Variants in DYNC2H1 observed in about 807,000 individuals in gnomAD.
DYNC2H1 encodes dynein cytoplasmic 2 heavy chain 1.
A neutral mutation model predicts 570.0 loss-of-function variants in DYNC2H1; 410 were observed. That is an observed-to-expected ratio of 0.72 (90% CI 0.66 to 0.78). The LOEUF (loss-of-function observed/expected upper bound fraction) is 0.78. Among genes scored for constraint, DYNC2H1 ranks in the 30% least tolerant of loss-of-function variants. The probability of loss-of-function intolerance (pLI) is 0.00; values close to 1 mark genes in which losing one functional copy is unlikely to be tolerated. For missense variants in DYNC2H1, 4,865 were observed against 5,046.4 expected (o/e 0.96, Z 1.09); for synonymous variants, 1,688 against 1,677.6 (o/e 1.01, Z -0.15).
intron 60 of DYNC2H1, among the ~76,000 whole-genome samples, chr11:103,232,701 A>G (rs1001064117): frequency 6.6e-6 from 1 of 152,070 alleles, no homozygotes; most frequent in Non-Finnish European, 1.5e-5. Flanking sequence ...AAAATTAAAG[A>G]GATGGTTTCC....
chr11:103,280,263 T>G lies in DYNC2H1; in HGVS notation c.10696-85T>G. 1.5e-6 allele frequency: 2 copies of G among 1,361,864 alleles called. No homozygotes were observed. The highest frequency in any genetic ancestry group is 2.0e-6 in the Non-Finnish European group (2 of 981,170). The allele number at this position is 1,361,864 out of a possible 1,614,324, so 84.4% of individuals were successfully genotyped here. A position where few individuals can be genotyped will look rare whatever the true frequency, so the allele number is the denominator to read the frequency against. On this transcript the variant is annotated intron_variant, in intron 70 of 88. Coordinates refer to ENST00000375735, the MANE Select transcript of DYNC2H1 (RefSeq NM_001377.3). This position sits in a 1 kb window ranked among gnomAD's most constrained non-coding sequence, Gnocchi z 4.7. ...AGGTCATATGAAGACAGAATAGAGA[T>G]TTTTGTGTGCCAAATTTTAACGACT...
intron 70 of DYNC2H1, among the ~76,000 whole-genome samples, chr11:103,272,072 G>A (rs1865730446): frequency 6.6e-6 from 1 of 152,064 alleles, no homozygotes; most frequent in Admixed American, 6.6e-5. Flanking sequence ...CCCATTACTG[G>A]GTATATACCC....
At position 103,236,501 on chromosome 11, in the gene DYNC2H1, G is replaced by A. The variant is rs769445053; in HGVS notation, c.9781G>A (p.Asp3261Asn). Residue 3261 changes from aspartate to asparagine, a missense_variant, in exon 63 of 89, where the codon GAT (aspartate) becomes AAT (asparagine). This residue lies in a region of DYNC2H1 where 2,401 missense variants were observed against 2,454.6 expected (regional missense o/e 0.98). Transcript: ENST00000375735. ...TTGGAAAAGTGAAGGCCTACCATCA[G>A]ATGACCTTTCCATAGAAAATGCTCT... Reference protein sequence around the residue: ...LIWKSEGLPSDDLSIENALVI... With the variant: ...LIWKSEGLPSNDLSIENALVI... 5 of 1,606,794 alleles carry A rather than the reference G, an allele frequency of 3.1e-6. No homozygotes were observed. Among genetic ancestry groups the A allele is most frequent in the Non-Finnish European group, 4.3e-6 (5 of 1,174,832 alleles).
chr11:103,255,567 G>C, intron 67 of DYNC2H1, 33 bp downstream of exon 67: 3 of 1,492,226 alleles, frequency 2.0e-6, no homozygotes, highest in Non-Finnish European at 2.7e-6. Flanking sequence ...TACTTTTTTC[G>C]TATTACTTTT....
chr11:103,424,368 C>T (rs922924301), intron 84 of DYNC2H1, among the ~76,000 whole-genome samples: 7 of 152,216 alleles, frequency 4.6e-5, no homozygotes, highest in Admixed American at 3.3e-4. Context: ...GGATCAGGAA[C>T]AACTTGAATT....
rs1295117031 is a variant in DYNC2H1, at chr11:103,456,310, T to C, written c.12602T>C (p.Val4201Ala). 6.2e-7 allele frequency: 1 copy of C among 1,609,616 alleles called. No homozygotes were observed. The highest frequency in any genetic ancestry group is 2.2e-5 in the East Asian group (1 of 44,780). ...CGTTCTGTGGATAGCCTTAAATTTG[T>C]AGCCTCATGGAAAGGTCGACTGCAA... ...VGRSVDSLKFVASWKGRLQEA... is the reference protein window; with the variant it reads ...VGRSVDSLKFAASWKGRLQEA... The change falls in exon 87 of 89, where the codon GTA (valine) becomes GCA (alanine). Residue 4201 changes from valine to alanine, a missense_variant. Val to Ala is a moderately conservative substitution (Grantham distance 64). Coordinates refer to ENST00000375735, the MANE Select transcript of DYNC2H1 (RefSeq NM_001377.3).
chr11:103,378,353 AT>A (rs1941486822), intron 83 of DYNC2H1, among the ~76,000 whole-genome samples: 1 of 152,154 alleles, frequency 6.6e-6, no homozygotes, highest in South Asian at 2.1e-4. Flanking sequence ...AAGTTCTAAC[AT>A]TGTGGGACTG....
chr11:103,255,375 C>A lies in DYNC2H1; in HGVS notation c.10207-40C>A, dbSNP rs367986595. On this transcript the variant is annotated intron_variant, in intron 66 of 88. Coordinates refer to ENST00000375735, the MANE Select transcript of DYNC2H1 (RefSeq NM_001377.3). ...CAGGAAGTTTTTGTTTTGTTTTAAGCCTTATTGCTAGAATTACCTTGTCTT... is the reference window on the plus strand; with the variant it reads ...CAGGAAGTTTTTGTTTTGTTTTAAGACTTATTGCTAGAATTACCTTGTCTT... 2.7e-5 allele frequency: 42 copies of A among 1,531,644 alleles called. No individual in the cohort carries two copies. In the African/African-American group the frequency reaches 5.0e-4, roughly 18 times the overall value. The allele number at this position is 1,531,644 out of a possible 1,614,324, so 94.9% of individuals were successfully genotyped here.
chr11:103,117,425 T>C (rs1858467690), intron 5 of DYNC2H1, among the ~76,000 whole-genome samples: 1 of 151,718 alleles, frequency 6.6e-6, no homozygotes, highest in Non-Finnish European at 1.5e-5. Context: ...AATTGAAAGA[T>C]GCAAAAATGC....
intron 84 of DYNC2H1, among the ~76,000 whole-genome samples, chr11:103,428,775 GTCC>G (rs979275915): frequency 5.3e-5 from 8 of 151,894 alleles, no homozygotes; most frequent in Non-Finnish European, 7.4e-5. Context: ...TGTGTATAAC[GTCC>G]TCAAGGAACA....
intron 39 of DYNC2H1, among the ~76,000 whole-genome samples, chr11:103,180,564 A>G (rs932739498): frequency 2.6e-5 from 4 of 151,652 alleles, no homozygotes; most frequent in East Asian, 1.9e-4. Flanking sequence ...TTTTGTTGCT[A>G]TGTGTTCAGC....
At chr11:103,221,907 A>G in intron 57 of DYNC2H1, 123 bp from the exon 58 acceptor site, 1 of 961,210 alleles carries the variant, frequency 1.0e-6, no homozygotes, top group Non-Finnish European at 1.5e-6. Flanking sequence ...AAAGGTTTTA[A>G]TACCATATTT....
intron 73 of DYNC2H1, among the ~76,000 whole-genome samples, chr11:103,283,451 G>A (rs1014923534): frequency 6.6e-6 from 1 of 152,038 alleles, no homozygotes; most frequent in Non-Finnish European, 1.5e-5. Flanking sequence ...TTTTTGTGGG[G>A]AATGAAAGAC....
intron 85 of DYNC2H1, 116 bp from the exon 86 acceptor site, chr11:103,455,070 A>C: frequency 1.5e-6 from 1 of 646,222 alleles, no homozygotes; most frequent in Non-Finnish European, 2.6e-6. Context: ...TATATTTTCT[A>C]GCTACCATTT....
At chr11:103,253,168 G>T (rs556398023) in intron 65 of DYNC2H1, 117 bp from the exon 66 acceptor site, 2 of 1,082,734 alleles carry the variant, frequency 1.8e-6, no homozygotes, top group Non-Finnish European at 2.6e-6. Flanking sequence ...AACTTTTGCC[G>T]TCTTAGACTC....
chr11:103,300,935 A>G (rs1867021574), intron 75 of DYNC2H1, among the ~76,000 whole-genome samples: 2 of 152,006 alleles, frequency 1.3e-5, no homozygotes, highest in South Asian at 2.1e-4. Context: ...TTTTATATAT[A>G]TTTTGACATT....
chr11:103,304,645 ATG>A lies in DYNC2H1; in HGVS notation c.11310_11311del (p.Ala3771ProfsTer31). The stretch of plus-strand genomic sequence containing the variant: ...ATTTAGCAATTCAAATGCTAAAAGA[ATG>A]TGCCCGCAATGGAGACTGGCTCTGT... The part of the protein sequence containing the change: ...ADLAIQMLKE[C>X]ARNGDWLCLK... On this transcript the variant is annotated frameshift_variant, in exon 77 of 89. Coordinates refer to ENST00000375735, the MANE Select transcript of DYNC2H1 (RefSeq NM_001377.3). LOFTEE classifies it high-confidence loss of function. 1 of 1,613,466 alleles carries A rather than the reference ATG, an allele frequency of 6.2e-7. No homozygotes were observed. Among genetic ancestry groups the A allele is most frequent in the Non-Finnish European group, 8.5e-7 (1 of 1,179,568 alleles).
intron 31 of DYNC2H1, among the ~76,000 whole-genome samples, chr11:103,166,834 A>G (rs1381623319): frequency 6.6e-6 from 1 of 151,920 alleles, no homozygotes; most frequent in Non-Finnish European, 1.5e-5. Context: ...TCTCAGCTTC[A>G]ATCTGTACAT....
In DYNC2H1 at chr11:103,264,076, C is replaced by T. The variant is rs1865417489; in HGVS notation, c.10695+4099C>T. Among the ~76,000 whole-genome samples, 1 of 152,126 alleles carries T rather than the reference C, an allele frequency of 6.6e-6. No individual in the cohort carries two copies. The highest frequency in any genetic ancestry group is 6.5e-5 in the Admixed American group (1 of 15,278). ...CTACCATCAGAGAATACTATAAACA[C>T]CTCTACGCAAATAAACTAGAAAATC... On this transcript the variant is annotated intron_variant, in intron 70 of 88. Coordinates refer to ENST00000375735, the MANE Select transcript of DYNC2H1 (RefSeq NM_001377.3). This position sits in a 1 kb window ranked among gnomAD's most constrained non-coding sequence, Gnocchi z 4.8.
Sources: allele counts gnomAD v4.1 joint callset (sites outside exome capture counted in the v4.1 genomes callset), GRCh38; gene constraint gnomAD v4.1.1; regional missense constraint gnomAD v4.1.1; non-coding constraint Gnocchi (gnomAD v3.1); transcripts MANE v1.5; gene names NCBI Gene and HGNC (gene_info 2026-07-23, HGNC 2026-07-21).